CAST: variants seen among roughly 807,000 people sequenced by gnomAD.
CAST encodes the protein MIR583 host.
A neutral mutation model predicts 119.6 loss-of-function variants in CAST; 76 were observed. The ratio of observed to expected loss-of-function variants is 0.64; its 90% CI spans 0.53 to 0.77. CAST has a LOEUF of 0.77. Ranked by LOEUF, CAST falls within the 30% of genes least tolerant of loss-of-function variation. The pLI, the probability that CAST is intolerant of heterozygous loss-of-function variation, is 0.00. For missense variants in CAST, 953 were observed against 946.5 expected (o/e 1.01, Z -0.09); for synonymous variants, 319 against 331.6 (o/e 0.96, Z 0.41).
chr5:96,250,073 C>T, the CAST span, among the ~76,000 whole-genome samples: 67 of 152,270 alleles, frequency 4.4e-4, no homozygotes, highest in African/African-American at 1.5e-3. Context: ...CTAGTATTCT[C>T]CATTCCCTTC....
At chr5:96,745,043 A>T (rs1320417819) in intron 16 of CAST, among the ~76,000 whole-genome samples, 1 of 152,172 alleles carries the variant, frequency 6.6e-6, no homozygotes, top group African/African-American at 2.4e-5. Context: ...AGAGGAAAAT[A>T]AAAGCTCTGG....
chr5:96,158,041 C>T, the CAST span, among the ~76,000 whole-genome samples: 1 of 140,742 alleles, frequency 7.1e-6, no homozygotes, highest in South Asian at 2.5e-4. Context: ...AATTCCAGTG[C>T]CCCCCTTACA....
At chr5:96,421,948 C>A in the CAST span, 1 of 1,530,348 alleles carries the variant, frequency 6.5e-7, no homozygotes, top group Non-Finnish European at 9.0e-7. Context: ...CATAGCTAGC[C>A]TCTGGATCCT....
At chr5:96,487,501 C>G in the CAST span, among the ~76,000 whole-genome samples, 1 of 152,166 alleles carries the variant, frequency 6.6e-6, no homozygotes, top group Non-Finnish European at 1.5e-5. Flanking sequence ...AGACATTGGT[C>G]TCTCATGAGC....
the CAST span, among the ~76,000 whole-genome samples, chr5:96,022,861 C>T: frequency 6.6e-6 from 1 of 152,104 alleles, no homozygotes; most frequent in East Asian, 1.9e-4. Context: ...GTTTTCTGCT[C>T]TTAAGACCTT....
chr5:96,400,099 C>A, the CAST span: 1 of 1,614,052 alleles, frequency 6.2e-7, no homozygotes, highest in African/African-American at 1.3e-5. Context: ...CTGCTCCATT[C>A]TTTTTCCATC....
At chr5:96,459,908 C>T in the CAST span, among the ~76,000 whole-genome samples, 1 of 152,250 alleles carries the variant, frequency 6.6e-6, no homozygotes, top group East Asian at 1.9e-4. Context: ...TACAAACAGA[C>T]GTAAGCAGAA....
chr5:96,074,300 A>T, the CAST span, among the ~76,000 whole-genome samples: 1 of 152,088 alleles, frequency 6.6e-6, no homozygotes, highest in Admixed American at 6.6e-5. Context: ...AAGCTCTAAC[A>T]CCCCCAGTGT....
the CAST span, among the ~76,000 whole-genome samples, chr5:96,372,190 C>G: frequency 6.6e-6 from 1 of 152,192 alleles, no homozygotes; most frequent in African/African-American, 2.4e-5. Context: ...TTATGGGCTG[C>G]TACAACACAG....
At chr5:95,997,116 C>T in the CAST span, among the ~76,000 whole-genome samples, 2 of 152,148 alleles carry the variant, frequency 1.3e-5, no homozygotes, top group Admixed American at 1.3e-4. Context: ...AAGGGTCAAA[C>T]TTTTGATTCA....
At chr5:96,332,008 G>C in the CAST span, among the ~76,000 whole-genome samples, 2 of 152,206 alleles carry the variant, frequency 1.3e-5, no homozygotes, top group Admixed American at 1.3e-4. Context: ...AGAGAACTTT[G>C]TTAGGAGCCA....
chr5:96,361,583 A>G, the CAST span, among the ~76,000 whole-genome samples: 1 of 152,088 alleles, frequency 6.6e-6, no homozygotes, highest in African/African-American at 2.4e-5. Flanking sequence ...TGGCTAGGGG[A>G]GGGAGTTCCC....
the CAST span, among the ~76,000 whole-genome samples, chr5:96,229,382 C>T: frequency 6.6e-6 from 1 of 151,862 alleles, no homozygotes; most frequent in Non-Finnish European, 1.5e-5. Flanking sequence ...TCAACAATGC[C>T]TTTCAGAATG....
chr5:96,209,019 T>C, the CAST span, among the ~76,000 whole-genome samples: 3 of 152,098 alleles, frequency 2.0e-5, no homozygotes, highest in Admixed American at 6.6e-5. Flanking sequence ...GTTGGGTGCA[T>C]ATATATTTAG....
intron 13 of CAST, 169 bp from the exon 14 acceptor site, chr5:96,741,097 G>A (rs904487324): frequency 3.3e-6 from 2 of 602,726 alleles, no homozygotes; most frequent in Admixed American, 6.0e-5. Context: ...TACTCAATGA[G>A]TAGCCACTCT....
the CAST span, among the ~76,000 whole-genome samples, chr5:96,445,530 T>G: frequency 1.3e-5 from 2 of 152,210 alleles, no homozygotes; most frequent in Non-Finnish European, 2.9e-5. Context: ...GGTTCCTGTT[T>G]TTCTAACTTT....
chr5:96,470,298 A>G, the CAST span, among the ~76,000 whole-genome samples: 1 of 152,016 alleles, frequency 6.6e-6, no homozygotes, highest in Non-Finnish European at 1.5e-5. Flanking sequence ...AAAAATATAT[A>G]AAGGTTAGTC....
At chr5:96,430,197 G>C in the CAST span, among the ~76,000 whole-genome samples, 1 of 152,210 alleles carries the variant, frequency 6.6e-6, no homozygotes, top group African/African-American at 2.4e-5. Flanking sequence ...ACTTCTCCGG[G>C]TATCTATTGA....
the CAST span, among the ~76,000 whole-genome samples, chr5:96,092,724 C>T: frequency 6.6e-6 from 1 of 152,192 alleles, no homozygotes; most frequent in Non-Finnish European, 1.5e-5. Flanking sequence ...GACCCTGAAG[C>T]TTTTCTATTT....
Sources: gnomAD v4.1 joint callset for allele counts (sites outside exome capture counted in the v4.1 genomes callset) on GRCh38, gnomAD v4.1.1 for gene constraint, MANE v1.5 for transcripts, NCBI Gene and HGNC (gene_info 2026-07-23, HGNC 2026-07-21) for gene names.